Variants in TECR observed in about 807,000 individuals in gnomAD.
The protein encoded by TECR is very-long-chain enoyl-CoA reductase.
In TECR, 19 loss-of-function variants were observed where a neutral mutation model predicts 50.6. That is an observed-to-expected ratio of 0.38 (90% CI 0.26 to 0.55). The LOEUF (loss-of-function observed/expected upper bound fraction) is 0.55, where lower values mean the gene tolerates loss of function less well. Among genes scored for constraint, TECR ranks in the 20% least tolerant of loss-of-function variants. The pLI is 0.79. For missense variants in TECR, 313 were observed against 408.3 expected (o/e 0.77, Z 2.01); for synonymous variants, 168 against 163.5 (o/e 1.03, Z -0.21).
chr19:14,529,803 T>G, intron 1 of TECR, 92 bp downstream of exon 1: 1 of 1,582,974 alleles, frequency 6.3e-7, no homozygotes, highest in Non-Finnish European at 8.6e-7. Context: ...TCTGGTCCTG[T>G]GCCCCGAAGG....
At chr19:14,543,977 A>C (rs568737936) in intron 1 of TECR, among the ~76,000 whole-genome samples, 33 of 151,662 alleles carry the variant, frequency 2.2e-4, no homozygotes, top group South Asian at 8.3e-4. Flanking sequence ...ACCTCAAATG[A>C]TCCTCCCGCC....
upstream of TECR, chr19:14,527,762 C>T (rs2072458941): frequency 6.6e-6 from 1 of 152,246 alleles, no homozygotes; most frequent in Admixed American, 6.6e-5. Context: ...CATGACAGGC[C>T]TGTGAATTCC....
At chr19:14,552,220 G>T (rs552161067) in intron 1 of TECR, among the ~76,000 whole-genome samples, 1 of 146,690 alleles carries the variant, frequency 6.8e-6, no homozygotes, top group African/African-American at 2.5e-5. Context: ...CCAGGCTGGA[G>T]TGCAGTGGTG....
At chr19:14,529,247 A>C (rs1283396174), upstream of TECR, 6 of 297,294 alleles carry the variant, frequency 2.0e-5, no homozygotes, top group East Asian at 4.9e-4. Context: ...TGTCATGTGG[A>C]TGCTGCCTTG....
intron 1 of TECR, chr19:14,532,220 A>G (rs950933387): frequency 2.0e-5 from 3 of 152,098 alleles, no homozygotes; most frequent in Admixed American, 2.0e-4. Flanking sequence ...AATATGCTCC[A>G]CCGTACTTAA....
chr19:14,545,658 A>G lies in TECR; in HGVS notation c.15+15947A>G, dbSNP rs115567614. On this transcript the variant is annotated intron_variant, in intron 1 of 12. Transcript: ENST00000215567. ...GCAGGCCCGACGCAGCAAGGGGCAC[A>G]GTCCGTGTTGGTTGCGTGCATGGCG... 5.7e-3 allele frequency: 1,102 copies of G among 192,460 alleles called. 14 individuals carry two copies. Among genetic ancestry groups the G allele is most frequent in the African/African-American group, 0.025 (1,052 of 42,804 alleles). 11.9% of individuals were successfully genotyped at this position (192,460 alleles called of 1,614,324 possible). A position where few individuals can be genotyped will look rare whatever the true frequency, so the allele number is the denominator to read the frequency against.
Position 14,563,767 on chromosome 19 carries a change from G to T in TECR, c.164-33G>T. Reference sequence around the variant, plus strand: ...TGGGTGGCAGTGGGAGAAGGCCCGGGTAGCCCCTGAGCCCTGGCCCGCCTC... The same window carrying T: ...TGGGTGGCAGTGGGAGAAGGCCCGGTTAGCCCCTGAGCCCTGGCCCGCCTC... On this transcript the variant is annotated intron_variant, in intron 4 of 12. Transcript: ENST00000215567. The surrounding 1 kb of genome is among the most constrained non-coding windows in gnomAD (Gnocchi z 5.3). The T allele has an allele frequency of 6.2e-7, 1 of 1,612,476 alleles. No individual in the cohort carries two copies. Among genetic ancestry groups the T allele is most frequent in the Non-Finnish European group, 8.5e-7 (1 of 1,179,698 alleles).
At chr19:14,529,804 G>T (rs140756444) in intron 1 of TECR, 93 bp downstream of exon 1, 2 of 1,582,330 alleles carry the variant, frequency 1.3e-6, no homozygotes, top group African/African-American at 1.3e-5. Context: ...CTGGTCCTGT[G>T]CCCCGAAGGA....
chr19:14,563,104 A>G lies in TECR; in HGVS notation c.67-102A>G. On this transcript the variant is annotated intron_variant, in intron 2 of 12. Coordinates refer to ENST00000215567, the MANE Select transcript of TECR (RefSeq NM_138501.6). This position sits in a 1 kb window ranked among gnomAD's most constrained non-coding sequence, Gnocchi z 5.3. ...GACCCCAGCCCTTCCCCCTTCCCAT[A>G]GCTACAGCCCAACCCCCAGCCTGCC... is the stretch of plus-strand genomic sequence containing the variant. 6.8e-7 allele frequency: 1 copy of G among 1,479,006 alleles called. No individual in the cohort carries two copies. Among genetic ancestry groups the G allele is most frequent in the Non-Finnish European group, 9.3e-7 (1 of 1,070,716 alleles). The allele number at this position is 1,479,006 out of a possible 1,614,324, so 91.6% of individuals were successfully genotyped here. A position where few individuals can be genotyped will look rare whatever the true frequency, so the allele number is the denominator to read the frequency against.
chr19:14,557,259 A>G (rs762226373), intron 1 of TECR, among the ~76,000 whole-genome samples: 28 of 146,914 alleles, frequency 1.9e-4, no homozygotes, highest in African/African-American at 2.5e-4. Flanking sequence ...TCCTGACTCA[A>G]CCTCCTGAGT....
At chr19:14,533,106 T>G (rs2146551033) in intron 1 of TECR, among the ~76,000 whole-genome samples, 1 of 145,150 alleles carries the variant, frequency 6.9e-6, no homozygotes, top group East Asian at 2.1e-4. Context: ...AGCGAGACTC[T>G]GTTTTAAAAA....
intron 2 of TECR, among the ~76,000 whole-genome samples, chr19:14,562,903 A>G (rs1354545399): frequency 6.6e-6 from 1 of 152,028 alleles, no homozygotes; most frequent in African/African-American, 2.4e-5. Context: ...TGGGAGAGTC[A>G]TGGGTGAGAA....
At chr19:14,547,660 TA>T (rs1352564166) in intron 1 of TECR, among the ~76,000 whole-genome samples, 5 of 110,864 alleles carry the variant, frequency 4.5e-5, no homozygotes, top group Non-Finnish European at 7.8e-5. Flanking sequence ...CTGTACCTAA[TA>T]TTTTTTTTTT....
intron 1 of TECR, among the ~76,000 whole-genome samples, chr19:14,555,787 T>C (rs1437125160): frequency 6.6e-6 from 1 of 152,142 alleles, no homozygotes; most frequent in African/African-American, 2.4e-5. Flanking sequence ...AGCCTTGCTA[T>C]TTTGCCCAAG....
At chr19:14,535,543 AATATATAT>A (rs747348455) in intron 1 of TECR, among the ~76,000 whole-genome samples, 414 of 32,676 alleles carry the variant, frequency 0.013, 4 homozygotes, top group African/African-American at 0.016. Context: ...AAAAAAAAAA[AATATATAT>A]ATATATATAT....
intron 1 of TECR, 117 bp downstream of exon 1, chr19:14,529,828 G>T: frequency 2.0e-6 from 3 of 1,476,444 alleles, no homozygotes; most frequent in Admixed American, 3.6e-5. Context: ...GCCAGACGGC[G>T]CAGGCGCAGT....
chr19:14,538,842 C>G lies in TECR; in HGVS notation c.15+9131C>G, dbSNP rs10415359. Among the ~76,000 whole-genome samples, 320 of 151,474 alleles carry G rather than the reference C, an allele frequency of 2.1e-3. 1 individual carries two copies. The highest frequency in any genetic ancestry group is 6.8e-3 in the Middle Eastern group (2 of 294). ...CACCACGCCTGGCTGAGAAAAGCTT[C>G]AAAACTTAATGAAGAAGGTCCACCA... is the stretch of plus-strand genomic sequence containing the variant. On this transcript the variant is annotated intron_variant, in intron 1 of 12. Coordinates refer to ENST00000215567, the MANE Select transcript of TECR (RefSeq NM_138501.6).
chr19:14,539,880 C>CT (rs35738060), intron 1 of TECR, among the ~76,000 whole-genome samples: 22 of 142,358 alleles, frequency 1.5e-4, no homozygotes, highest in East Asian at 1.2e-3. Flanking sequence ...TGTTTTCTTT[C>CT]TTTTTTTTTT....
At chr19:14,531,261 T>G (rs2072645461) in intron 1 of TECR, 1 of 151,682 alleles carries the variant, frequency 6.6e-6, no homozygotes, top group Non-Finnish European at 1.5e-5. Flanking sequence ...GGCCTCAAAC[T>G]CTTGACCTCA....
Sources: allele counts gnomAD v4.1 joint callset (sites outside exome capture counted in the v4.1 genomes callset), GRCh38; gene constraint gnomAD v4.1.1; non-coding constraint Gnocchi (gnomAD v3.1); transcripts MANE v1.5; gene names NCBI Gene and HGNC (gene_info 2026-07-23, HGNC 2026-07-21).